Variants in CADM2 observed in about 807,000 individuals in gnomAD.
CADM2 encodes immunoglobulin superfamily member 4D.
Under a neutral mutation model 49.8 loss-of-function variants are expected in CADM2, and 12 were observed. The observed-to-expected ratio is 0.24, with a 90% confidence interval of 0.15 to 0.39. CADM2 has a LOEUF of 0.39. Among genes scored for constraint, CADM2 ranks in the 10% least tolerant of loss-of-function variants. The pLI is 1.00. For missense variants in CADM2, 378 were observed against 492.3 expected, an observed-to-expected ratio of 0.77 and a Z score of 2.20; for synonymous variants, 214 against 175.4, an observed-to-expected ratio of 1.22 and a Z score of -1.74.
intron 1 of CADM2, among the ~76,000 whole-genome samples, chr3:85,565,242 G>T (rs1359342299): frequency 6.6e-6 from 1 of 151,888 alleles, no homozygotes; most frequent in Non-Finnish European, 1.5e-5. Flanking sequence ...AAAATACTTT[G>T]AAATATAATT....
chr3:85,572,589 C>T (rs574112418), intron 1 of CADM2, among the ~76,000 whole-genome samples: 6 of 152,156 alleles, frequency 3.9e-5, no homozygotes, highest in Non-Finnish European at 7.4e-5. Flanking sequence ...TGTTATTTGT[C>T]TTGGTTCAAG....
chr3:85,622,521 T>C (rs926547259), intron 1 of CADM2, among the ~76,000 whole-genome samples: 1 of 152,090 alleles, frequency 6.6e-6, no homozygotes, highest in African/African-American at 2.4e-5. Context: ...CTTGCCTCCT[T>C]TTCATTCACT....
intron 1 of CADM2, among the ~76,000 whole-genome samples, chr3:85,416,978 A>C (rs1332790092): frequency 6.6e-6 from 1 of 152,112 alleles, no homozygotes; most frequent in African/African-American, 2.4e-5. Context: ...GCTTTATTCA[A>C]ATAAAGTCTC....
At chr3:85,668,562 G>A (rs536026438) in intron 1 of CADM2, among the ~76,000 whole-genome samples, 18 of 152,164 alleles carry the variant, frequency 1.2e-4, no homozygotes, top group African/African-American at 4.3e-4. Flanking sequence ...TCTCATGATA[G>A]TGAATAAGTC....
chr3:85,091,973 G>T (rs1575844287), intron 1 of CADM2, among the ~76,000 whole-genome samples: 1 of 152,060 alleles, frequency 6.6e-6, no homozygotes, highest in East Asian at 1.9e-4. Context: ...TATGTAACTA[G>T]ATATTCAAAC....
intron 3 of CADM2, among the ~76,000 whole-genome samples, chr3:85,829,383 A>G (rs779743843): frequency 3.9e-5 from 6 of 151,930 alleles, no homozygotes; most frequent in Non-Finnish European, 5.9e-5. Flanking sequence ...TGATCAAATG[A>G]GGGTAATTAG....
chr3:85,971,245 G>A (rs1473726989), intron 8 of CADM2, among the ~76,000 whole-genome samples: 3 of 151,576 alleles, frequency 2.0e-5, no homozygotes, highest in Non-Finnish European at 4.4e-5. Context: ...CTGACGTCAT[G>A]TGCAAACGTT....
intron 1 of CADM2, among the ~76,000 whole-genome samples, chr3:84,973,803 C>T (rs766173284): frequency 3.3e-5 from 5 of 152,030 alleles, no homozygotes; most frequent in Non-Finnish European, 5.9e-5. Flanking sequence ...TTAAAACTCC[C>T]GCCTTGCTTA....
chr3:85,581,125 C>G (rs373688389), intron 1 of CADM2, among the ~76,000 whole-genome samples: 1 of 152,114 alleles, frequency 6.6e-6, no homozygotes, highest in Non-Finnish European at 1.5e-5. Context: ...TAGAAACATG[C>G]CTAATTTTTA....
chr3:84,981,501 A>C (rs2032178960), intron 1 of CADM2, among the ~76,000 whole-genome samples: 1 of 152,060 alleles, frequency 6.6e-6, no homozygotes, highest in African/African-American at 2.4e-5. Flanking sequence ...CCTGAACAGC[A>C]ATTCATGTTA....
chr3:85,611,917 G>C (rs2063692443), intron 1 of CADM2, among the ~76,000 whole-genome samples: 1 of 151,766 alleles, frequency 6.6e-6, no homozygotes, highest in Non-Finnish European at 1.5e-5. Context: ...TAAGAGTAGA[G>C]AAGAGGCCCT....
chr3:85,160,287 T>C (rs536944772), intron 1 of CADM2, among the ~76,000 whole-genome samples: 9 of 152,316 alleles, frequency 5.9e-5, no homozygotes, highest in Admixed American at 5.9e-4. Context: ...TATAGCTCCA[T>C]TGTTGTGATT....
intron 1 of CADM2, among the ~76,000 whole-genome samples, chr3:85,402,016 A>G (rs2035136217): frequency 6.6e-6 from 1 of 152,162 alleles, no homozygotes; most frequent in Admixed American, 6.5e-5. Context: ...CTAAAATAGT[A>G]TTGTTCAAAT....
chr3:85,639,645 A>G (rs912157105), intron 1 of CADM2, among the ~76,000 whole-genome samples: 1 of 152,126 alleles, frequency 6.6e-6, no homozygotes, highest in African/African-American at 2.4e-5. Context: ...AAAGGCACAT[A>G]TTTTATGTTA....
intron 1 of CADM2, among the ~76,000 whole-genome samples, chr3:85,693,529 G>T (rs1461888188): frequency 2.2e-5 from 3 of 136,654 alleles, no homozygotes; most frequent in Non-Finnish European, 3.1e-5. Flanking sequence ...GCAGTGAGCC[G>T]AGATAGTGCC....
At chr3:85,520,039 T>A (rs1374454618) in intron 1 of CADM2, among the ~76,000 whole-genome samples, 1 of 152,072 alleles carries the variant, frequency 6.6e-6, no homozygotes, top group East Asian at 1.9e-4. Context: ...AACAGTACTA[T>A]TGTCCCTGGA....
At chr3:85,363,819 G>C (rs1224186592) in intron 1 of CADM2, among the ~76,000 whole-genome samples, 1 of 151,158 alleles carries the variant, frequency 6.6e-6, no homozygotes, top group Non-Finnish European at 1.5e-5. Context: ...CACCGTGTTA[G>C]CCAGGATGGT....
At chr3:85,467,032 A>T (rs184914958) in intron 1 of CADM2, among the ~76,000 whole-genome samples, 56 of 152,316 alleles carry the variant, frequency 3.7e-4, no homozygotes, top group Admixed American at 2.1e-3. Context: ...GTCACAGTAC[A>T]CATATTGGGG....
chr3:85,697,941 T>C (rs572050137), intron 1 of CADM2, among the ~76,000 whole-genome samples: 30 of 152,294 alleles, frequency 2.0e-4, no homozygotes, highest in African/African-American at 6.0e-4. Context: ...TAAGGAAGCA[T>C]TGGAGAGCTG....
Sources: allele counts gnomAD v4.1 joint callset (sites outside exome capture counted in the v4.1 genomes callset), GRCh38; gene constraint gnomAD v4.1.1; transcripts MANE v1.5; gene names NCBI Gene and HGNC (gene_info 2026-07-23, HGNC 2026-07-21).